Variants in SHTN1 observed in about 807,000 individuals in gnomAD.
SHTN1 encodes the protein shootin-1.
In SHTN1, 42 loss-of-function variants were observed where a neutral mutation model predicts 83.1. The ratio of observed to expected loss-of-function variants is 0.51; its 90% CI spans 0.39 to 0.65. The LOEUF (loss-of-function observed/expected upper bound fraction) is 0.65, where lower values mean the gene tolerates loss of function less well. SHTN1 is among the 30% of genes least tolerant of loss of function. SHTN1 has a pLI of 0.00. For missense variants in SHTN1, 622 were observed against 737.8 expected, an observed-to-expected ratio of 0.84 and a Z score of 1.82; for synonymous variants, 224 against 247.7, an observed-to-expected ratio of 0.90 and a Z score of 0.90.
intron 16 of SHTN1, among the ~76,000 whole-genome samples, chr10:116,891,411 C>G (rs17095413): frequency 0.01 from 1,531 of 152,280 alleles, 14 homozygotes; most frequent in African/African-American, 0.028. Context: ...CTGTGGCAGC[C>G]ATCCAACAAA....
At chr10:117,085,466 C>T (rs1027117953) in intron 1 of SHTN1, among the ~76,000 whole-genome samples, 3 of 152,164 alleles carry the variant, frequency 2.0e-5, no homozygotes, top group Non-Finnish European at 4.4e-5. Context: ...TCTTTATTAC[C>T]GATTTCTAGT....
At chr10:117,010,201 A>G (rs915079729), upstream of SHTN1, among the ~76,000 whole-genome samples, 2 of 151,798 alleles carry the variant, frequency 1.3e-5, no homozygotes, top group Non-Finnish European at 2.9e-5. Context: ...GAAAAAAAAG[A>G]AATATGAAAA....
chr10:117,092,868 C>T (rs570457020), intron 1 of SHTN1, among the ~76,000 whole-genome samples: 56 of 152,244 alleles, frequency 3.7e-4, no homozygotes, highest in African/African-American at 1.3e-3. Flanking sequence ...ATACTTTCTT[C>T]AGCTCATAGA....
At chr10:116,921,357 A>G in intron 12 of SHTN1, 77 bp downstream of exon 12, 1 of 1,031,112 alleles carries the variant, frequency 9.7e-7, no homozygotes, top group Non-Finnish European at 1.5e-6. Context: ...GTTTATAGTC[A>G]AAGAACTTAA....
intron 3 of SHTN1, among the ~76,000 whole-genome samples, chr10:116,966,496 T>A (rs908396220): frequency 8.5e-5 from 13 of 152,232 alleles, no homozygotes; most frequent in African/African-American, 2.9e-4. Context: ...GTTGTACTAA[T>A]CTTCCAATCA....
At chr10:116,976,745 T>G (rs1411501122) in intron 2 of SHTN1, among the ~76,000 whole-genome samples, 1 of 152,206 alleles carries the variant, frequency 6.6e-6, no homozygotes. Context: ...CAGCCCCCCT[T>G]TTTTGAGGAA....
intron 1 of SHTN1, among the ~76,000 whole-genome samples, chr10:117,089,878 A>C (rs1400778165): frequency 6.6e-6 from 1 of 152,192 alleles, no homozygotes; most frequent in Non-Finnish European, 1.5e-5. Context: ...CCTCATACCC[A>C]TTAGAATGGC....
At chr10:116,976,869 ATTTCT>A (rs1178597768) in intron 2 of SHTN1, among the ~76,000 whole-genome samples, 1 of 152,160 alleles carries the variant, frequency 6.6e-6, no homozygotes, top group East Asian at 1.9e-4. Context: ...TATTGCTTTC[ATTTCT>A]TTTCTTCCCG....
chr10:116,898,868 A>G, intron 16 of SHTN1, among the ~76,000 whole-genome samples: 1 of 152,206 alleles, frequency 6.6e-6, no homozygotes, highest in South Asian at 2.1e-4. Flanking sequence ...ATAAGTCCCT[A>G]GGAAATAAAT....
intron 9 of SHTN1, among the ~76,000 whole-genome samples, chr10:116,935,679 T>C (rs536026680): frequency 6.6e-6 from 1 of 152,338 alleles, no homozygotes; most frequent in African/African-American, 2.4e-5. Context: ...GCTGGCCTCA[T>C]AAAATGAGTT....
chr10:117,019,258 A>G (rs931663141), intron 2 of SHTN1, among the ~76,000 whole-genome samples: 5 of 151,898 alleles, frequency 3.3e-5, no homozygotes, highest in African/African-American at 1.2e-4. Flanking sequence ...AACACAGCTC[A>G]CTGCAGCCTC....
chr10:117,031,067 C>T (rs1435576302), intron 2 of SHTN1, among the ~76,000 whole-genome samples: 2 of 152,050 alleles, frequency 1.3e-5, no homozygotes, highest in African/African-American at 2.4e-5. Context: ...ATTTAATAAT[C>T]AAACTCCCAA....
At chr10:117,122,751 A>G (rs2133648685) in intron 1 of SHTN1, among the ~76,000 whole-genome samples, 1 of 152,354 alleles carries the variant, frequency 6.6e-6, no homozygotes, top group South Asian at 2.1e-4. Flanking sequence ...CAATCTAGGA[A>G]CAGCAATTCC....
chr10:116,968,887 G>GT, intron 2 of SHTN1, among the ~76,000 whole-genome samples, 175 bp from the exon 3 acceptor site: 1 of 152,212 alleles, frequency 6.6e-6, no homozygotes, highest in South Asian at 2.1e-4. Flanking sequence ...CCAGCATGGT[G>GT]TTTGTGCCAT....
rs778411809 is a variant in SHTN1 at position 116,945,068 on chromosome 10, A to C, written c.617-50T>G. 40 of 1,083,618 alleles carry C rather than the reference A, an allele frequency of 3.7e-5. No individual in the cohort carries two copies. In the Middle Eastern group the frequency reaches 1.0e-3, roughly 28 times the overall value. The allele number at this position is 1,083,618 out of a possible 1,614,324, so 67.1% of individuals were successfully genotyped here. On this transcript the variant is annotated intron_variant, in intron 7 of 16. Coordinates refer to ENST00000355371, the MANE Select transcript of SHTN1 (RefSeq NM_001127211.3). ...AACCCAGACAATAAGTCACACAAAT[A>C]ATCAGGAATATGGATGAAAAACAGT...
intron 1 of SHTN1, among the ~76,000 whole-genome samples, chr10:116,994,923 A>T (rs927001198): frequency 6.6e-6 from 1 of 152,190 alleles, no homozygotes; most frequent in Non-Finnish European, 1.5e-5. Flanking sequence ...ACATTGTCAA[A>T]TAACATGTAA....
chr10:116,906,819 A>G (rs1847987575), intron 14 of SHTN1, 72 bp from the exon 15 acceptor site: 1 of 1,221,348 alleles, frequency 8.2e-7, no homozygotes, highest in Admixed American at 2.9e-5. Flanking sequence ...ATAAAAATCA[A>G]ACCATGAAAA....
chr10:117,007,580 A>C (rs1247129014), upstream of SHTN1, among the ~76,000 whole-genome samples: 1 of 144,248 alleles, frequency 6.9e-6, no homozygotes, highest in Non-Finnish European at 1.5e-5. Flanking sequence ...AAAAAAAAAA[A>C]CTCCTGAAAT....
chr10:117,122,726 T>C (rs117349938), intron 1 of SHTN1, among the ~76,000 whole-genome samples: 162 of 152,334 alleles, frequency 1.1e-3, no homozygotes, highest in Non-Finnish European at 1.5e-3. Context: ...AAATGTTAAA[T>C]TGTCTACTAT....
Sources: allele counts gnomAD v4.1 joint callset (sites outside exome capture counted in the v4.1 genomes callset), GRCh38; gene constraint gnomAD v4.1.1; transcripts MANE v1.5; gene names NCBI Gene and HGNC (gene_info 2026-07-23, HGNC 2026-07-21).